Variants in TYW1 observed in about 807,000 individuals in gnomAD.
TYW1 encodes S-adenosyl-L-methionine-dependent tRNA 4-demethylwyosine synthase TYW1.
TYW1 carries 46 observed loss-of-function variants against 96.2 expected under a neutral mutation model. That is an observed-to-expected ratio of 0.48 (90% CI 0.38 to 0.61). TYW1 has a LOEUF of 0.61. TYW1 is among the 20% of genes least tolerant of loss of function. The pLI is 0.00. For synonymous variants in TYW1, 274 were observed against 323.0 expected (o/e 0.85, Z 1.63); for missense variants, 684 against 909.6 (o/e 0.75, Z 3.19).
chr7:67,012,440 T>A (rs1793844426), intron 4 of TYW1, among the ~76,000 whole-genome samples: 1 of 152,204 alleles, frequency 6.6e-6, no homozygotes, highest in Non-Finnish European at 1.5e-5. Flanking sequence ...TAGCTTTAAC[T>A]CTGTCCATTT....
intron 15 of TYW1, among the ~76,000 whole-genome samples, chr7:67,236,662 G>T (rs1801899564): frequency 6.6e-6 from 1 of 152,074 alleles, no homozygotes; most frequent in South Asian, 2.1e-4. Flanking sequence ...TTCCATGAAT[G>T]GTCTTATTAC....
chr7:66,997,878 C>T (rs1793241795), intron 1 of TYW1, among the ~76,000 whole-genome samples, 187 bp from the exon 2 acceptor site: 1 of 152,228 alleles, frequency 6.6e-6, no homozygotes, highest in Non-Finnish European at 1.5e-5. Context: ...ATCTGCCCGC[C>T]TCAGCCACCC....
chr7:67,193,836 A>G (rs1318804075), intron 14 of TYW1, among the ~76,000 whole-genome samples: 1 of 141,892 alleles, frequency 7.0e-6, no homozygotes, highest in East Asian at 2.0e-4. Context: ...CTGTCTTTAT[A>G]TGTATTTGTG....
chr7:67,100,076 C>A (rs1033351670), intron 12 of TYW1, among the ~76,000 whole-genome samples: 3 of 151,716 alleles, frequency 2.0e-5, no homozygotes, highest in African/African-American at 7.3e-5. Context: ...GAGAGGCTAG[C>A]GGAGAAGAGG....
chr7:67,060,632 G>C (rs1795667333), intron 9 of TYW1, among the ~76,000 whole-genome samples: 2 of 152,138 alleles, frequency 1.3e-5, no homozygotes, highest in Admixed American at 6.6e-5. Context: ...CTTATTTAAT[G>C]AATCGATACA....
intron 13 of TYW1, among the ~76,000 whole-genome samples, chr7:67,134,898 A>G (rs1471796536): frequency 7.0e-6 from 1 of 143,488 alleles, no homozygotes; most frequent in African/African-American, 2.6e-5. Context: ...GCTTCAGCCC[A>G]GGAGTTTGAG....
intron 13 of TYW1, among the ~76,000 whole-genome samples, chr7:67,145,977 G>C (rs1168551709): frequency 6.6e-6 from 1 of 152,030 alleles, no homozygotes; most frequent in Non-Finnish European, 1.5e-5. Context: ...TGTTGCCCAG[G>C]CTGGTCTTGA....
At chr7:67,235,893 CAAAA>C (rs548873963) in intron 15 of TYW1, among the ~76,000 whole-genome samples, 4 of 69,562 alleles carry the variant, frequency 5.8e-5, no homozygotes, top group African/African-American at 1.7e-4. Flanking sequence ...GACTCTGTCT[CAAAA>C]AAAAAAAAAA....
chr7:67,221,751 A>T (rs1481060590), intron 15 of TYW1, among the ~76,000 whole-genome samples: 2 of 152,350 alleles, frequency 1.3e-5, no homozygotes, highest in South Asian at 2.1e-4. Context: ...TCAACAGCAT[A>T]CAAAACTATG....
chr7:67,097,221 A>G (rs1045621153), intron 11 of TYW1, among the ~76,000 whole-genome samples: 4 of 151,972 alleles, frequency 2.6e-5, no homozygotes, highest in African/African-American at 9.7e-5. Context: ...GATTGTGGGA[A>G]TTTTAAGATT....
In TYW1 at chr7:67,133,768, A is replaced by G. The variant is rs568622703; in HGVS notation, c.1698+16150A>G. Among the ~76,000 whole-genome samples the G allele has an allele frequency of 8.4e-4, 126 of 150,884 alleles. 2 individuals carry two copies. Among genetic ancestry groups the G allele is most frequent in the Middle Eastern group, 6.8e-3 (2 of 292 alleles). On this transcript the variant is annotated intron_variant, in intron 13 of 15. Coordinates refer to ENST00000359626, the MANE Select transcript of TYW1 (RefSeq NM_018264.4). ...GGTGAGCATTTTGTTGTGTTTGGCC[A>G]TGTCTTTAATAGCCTTTCCATACCT... is the stretch of plus-strand genomic sequence containing the variant.
At chr7:67,159,757 A>G (rs1177544477) in intron 13 of TYW1, among the ~76,000 whole-genome samples, 3 of 151,716 alleles carry the variant, frequency 2.0e-5, no homozygotes, top group Non-Finnish European at 4.4e-5. Flanking sequence ...ATTCCTTTGA[A>G]GAATTCCATT....
At chr7:67,147,926 G>T (rs185372023) in intron 13 of TYW1, among the ~76,000 whole-genome samples, 67 of 145,652 alleles carry the variant, frequency 4.6e-4, no homozygotes, top group Non-Finnish European at 3.8e-4. Context: ...CAAGGTAAAA[G>T]AAAAAATAAA....
chr7:67,167,918 A>C (rs35858773), intron 13 of TYW1, among the ~76,000 whole-genome samples: 42,251 of 151,202 alleles, frequency 0.28, 6,435 homozygotes, highest in African/African-American at 0.4. Context: ...CCACGCCCAG[A>C]TCATTTTTGT....
intron 13 of TYW1, among the ~76,000 whole-genome samples, chr7:67,166,554 T>C (rs1482949322): frequency 6.6e-6 from 1 of 151,510 alleles, no homozygotes; most frequent in Non-Finnish European, 1.5e-5. Context: ...TCTCTAAAAA[T>C]AATTGCTATT....
At chr7:67,159,950 G>T (rs897653389) in intron 13 of TYW1, among the ~76,000 whole-genome samples, 16 of 149,076 alleles carry the variant, frequency 1.1e-4, no homozygotes, top group Non-Finnish European at 1.5e-5. Context: ...ACAGGCGCCC[G>T]CCACCACGCC....
At chr7:67,081,337 G>A (rs1362455359) in intron 10 of TYW1, among the ~76,000 whole-genome samples, 2 of 149,734 alleles carry the variant, frequency 1.3e-5, no homozygotes, top group African/African-American at 2.5e-5. Flanking sequence ...TACATGTGAC[G>A]TGATGCTTTT....
intron 9 of TYW1, among the ~76,000 whole-genome samples, chr7:67,065,085 C>G (rs1333823654): frequency 6.6e-6 from 1 of 152,252 alleles, no homozygotes; most frequent in East Asian, 1.9e-4. Flanking sequence ...GGATTTGGAC[C>G]GCACACCTCT....
chr7:67,218,934 A>G (rs1801290605), intron 15 of TYW1, among the ~76,000 whole-genome samples: 1 of 152,180 alleles, frequency 6.6e-6, no homozygotes, highest in African/African-American at 2.4e-5. Context: ...AACTTCCATT[A>G]TTATTTTGAA....
Sources: allele counts gnomAD v4.1 joint callset (sites outside exome capture counted in the v4.1 genomes callset), GRCh38; gene constraint gnomAD v4.1.1; transcripts MANE v1.5; gene names NCBI Gene and HGNC (gene_info 2026-07-23, HGNC 2026-07-21).